Variants in CALN1 observed in about 807,000 individuals in gnomAD.
The protein encoded by CALN1 is calcium-binding protein 8.
In CALN1, 17 loss-of-function variants were observed where a neutral mutation model predicts 30.6. The observed-to-expected ratio is 0.56, with a 90% CI of 0.38 to 0.83. CALN1 has a LOEUF of 0.83. Among genes scored for constraint, CALN1 ranks in the 40% least tolerant of loss-of-function variants. CALN1 has a pLI of 0.00. For synonymous variants in CALN1, 156 were observed against 131.4 expected, an observed-to-expected ratio of 1.19 and a Z score of -1.28; for missense variants, 291 against 354.9, an observed-to-expected ratio of 0.82 and a Z score of 1.45.
chr7:72,413,492 A>G (rs562184668), upstream of CALN1, among the ~76,000 whole-genome samples: 1 of 152,014 alleles, frequency 6.6e-6, no homozygotes, highest in African/African-American at 2.4e-5. Flanking sequence ...ATGCTCACAT[A>G]AGGACACAAA....
At chr7:71,801,939 C>G (rs1183109963) in intron 6 of CALN1, among the ~76,000 whole-genome samples, 1 of 151,782 alleles carries the variant, frequency 6.6e-6, no homozygotes, top group Non-Finnish European at 1.5e-5. Flanking sequence ...GATCATATCA[C>G]TTCACTCCAG....
At chr7:71,890,516 A>G (rs974333534) in intron 5 of CALN1, among the ~76,000 whole-genome samples, 1 of 152,314 alleles carries the variant, frequency 6.6e-6, no homozygotes, top group Middle Eastern at 3.4e-3. Flanking sequence ...ATACTTTGTT[A>G]AAGTCTTTAA....
At chr7:71,971,278 G>A (rs1448602281) in intron 5 of CALN1, among the ~76,000 whole-genome samples, 9 of 152,052 alleles carry the variant, frequency 5.9e-5, no homozygotes, top group East Asian at 1.9e-4. Flanking sequence ...GTGAAACCCC[G>A]TCTCTACTAA....
chr7:72,139,840 T>C (rs1203618482), intron 3 of CALN1, among the ~76,000 whole-genome samples: 1 of 152,220 alleles, frequency 6.6e-6, no homozygotes, highest in Non-Finnish European at 1.5e-5. Flanking sequence ...GCTACTTCCC[T>C]TATCTCTCTT....
At chr7:72,325,099 A>G (rs1360948260) in intron 2 of CALN1, among the ~76,000 whole-genome samples, 1 of 151,690 alleles carries the variant, frequency 6.6e-6, no homozygotes, top group East Asian at 2.0e-4. Context: ...CAGGAGTTCA[A>G]GACCAGCCTG....
intron 2 of CALN1, chr7:72,336,634 G>A (rs894763347): frequency 4.3e-5 from 41 of 953,842 alleles, no homozygotes; most frequent in African/African-American, 5.3e-5. Context: ...CTAGAGAGAA[G>A]CGAGGACCGA....
chr7:72,435,904 A>G (rs1221395593), intron 1 of CALN1, among the ~76,000 whole-genome samples: 1 of 152,204 alleles, frequency 6.6e-6, no homozygotes, highest in Non-Finnish European at 1.5e-5. Context: ...AGATAATGGA[A>G]TAAGCTCAAG....
intron 3 of CALN1, among the ~76,000 whole-genome samples, chr7:72,259,697 T>G (rs1796144760): frequency 6.6e-6 from 1 of 152,136 alleles, no homozygotes; most frequent in Non-Finnish European, 1.5e-5. Flanking sequence ...ATTGCAAACA[T>G]CAAATAGAAT....
At chr7:72,266,442 G>C (rs1170638642) in intron 3 of CALN1, among the ~76,000 whole-genome samples, 2 of 152,174 alleles carry the variant, frequency 1.3e-5, no homozygotes, top group African/African-American at 2.4e-5. Flanking sequence ...ACTGGAATCA[G>C]GTAACTGGTG....
chr7:71,864,007 C>T (rs542351869), intron 5 of CALN1, among the ~76,000 whole-genome samples: 28 of 152,330 alleles, frequency 1.8e-4, no homozygotes, highest in Non-Finnish European at 3.5e-4. Context: ...TCCTATTCCC[C>T]TATTCTCTGC....
chr7:72,356,200 G>A (rs1258495653), intron 2 of CALN1, among the ~76,000 whole-genome samples: 2 of 152,078 alleles, frequency 1.3e-5, no homozygotes, highest in Non-Finnish European at 2.9e-5. Flanking sequence ...GAGCTATTCA[G>A]ACAGAAAAAG....
intron 2 of CALN1, among the ~76,000 whole-genome samples, chr7:72,292,465 T>C (rs1291339634): frequency 6.7e-6 from 1 of 148,166 alleles, no homozygotes; most frequent in Non-Finnish European, 1.5e-5. Context: ...TGGGTCACTA[T>C]ATCATGACCC....
At chr7:72,015,464 G>GCT (rs1475035987) in intron 5 of CALN1, among the ~76,000 whole-genome samples, 1 of 150,158 alleles carries the variant, frequency 6.7e-6, no homozygotes, top group Non-Finnish European at 1.5e-5. Context: ...TTTGAGACAG[G>GCT]CTCTCACTCT....
intron 3 of CALN1, among the ~76,000 whole-genome samples, chr7:72,269,545 T>C (rs894553978): frequency 3.9e-5 from 6 of 152,274 alleles, no homozygotes; most frequent in African/African-American, 1.4e-4. Flanking sequence ...CAGCAGATAG[T>C]GGAAAAACCT....
intron 2 of CALN1, among the ~76,000 whole-genome samples, chr7:72,339,394 C>T (rs975365720): frequency 2.0e-4 from 30 of 152,228 alleles, no homozygotes; most frequent in African/African-American, 6.7e-4. Flanking sequence ...GTAACAGGTA[C>T]CACTCTTAAG....
At chr7:72,205,388 G>C (rs759832218) in intron 3 of CALN1, among the ~76,000 whole-genome samples, 3 of 150,172 alleles carry the variant, frequency 2.0e-5, no homozygotes, top group Non-Finnish European at 4.4e-5. Context: ...TTTTAGTAGA[G>C]ACAGGGTTTC....
At chr7:71,988,462 T>C (rs1798790279) in intron 5 of CALN1, among the ~76,000 whole-genome samples, 1 of 152,108 alleles carries the variant, frequency 6.6e-6, no homozygotes, top group African/African-American at 2.4e-5. Context: ...CCCACAGTCA[T>C]GTGGAATAGA....
chr7:72,457,573 T>C, the CALN1 span, among the ~76,000 whole-genome samples: 2 of 152,138 alleles, frequency 1.3e-5, no homozygotes, highest in Non-Finnish European at 2.9e-5. Context: ...TCACATTCAC[T>C]GGGAAACCTT....
intron 5 of CALN1, among the ~76,000 whole-genome samples, chr7:71,911,737 A>G (rs1794433474): frequency 6.6e-6 from 1 of 152,112 alleles, no homozygotes; most frequent in South Asian, 2.1e-4. Context: ...ATGTGCTAAG[A>G]TATGAATGAC....
Sources: gnomAD v4.1 joint callset for allele counts (sites outside exome capture counted in the v4.1 genomes callset) on GRCh38, gnomAD v4.1.1 for gene constraint, MANE v1.5 for transcripts, NCBI Gene and HGNC (gene_info 2026-07-23, HGNC 2026-07-21) for gene names.